Variants in DEAF1 observed in about 807,000 individuals in gnomAD.
DEAF1 encodes DEAF1 transcription factor, also known as deformed epidermal autoregulatory factor 1 homolog.
A neutral mutation model predicts 58.9 loss-of-function variants in DEAF1; 53 were observed. That is an observed-to-expected ratio of 0.90 (90% CI 0.72 to 1.13). DEAF1 has a LOEUF of 1.13. DEAF1 is among the 50% of genes most tolerant of loss of function. The pLI is 0.00. For synonymous variants in DEAF1, 385 were observed against 340.4 expected (o/e 1.13, Z -1.44); for missense variants, 685 against 791.4 (o/e 0.87, Z 1.61).
intron 5 of DEAF1, among the ~76,000 whole-genome samples, chr11:686,364 G>A (rs1860594552): frequency 6.6e-6 from 1 of 151,424 alleles, no homozygotes; most frequent in Admixed American, 6.6e-5. Flanking sequence ...CATTATTGGT[G>A]GCAGGACCTA....
intron 4 of DEAF1, among the ~76,000 whole-genome samples, chr11:687,584 G>A (rs1339747677): frequency 6.6e-6 from 1 of 152,188 alleles, no homozygotes; most frequent in Non-Finnish European, 1.5e-5. Context: ...CTGCCTCCTG[G>A]GTTCACGCCA....
At chr11:658,618 C>T (rs7123404) in intron 10 of DEAF1, among the ~76,000 whole-genome samples, 7,458 of 152,350 alleles carry the variant, frequency 0.049, 261 homozygotes, top group African/African-American at 0.1. Context: ...CCTGCCCAGG[C>T]GCCCCAAGAA....
intron 10 of DEAF1, 182 bp downstream of exon 10, chr11:674,354 T>C: frequency 2.3e-6 from 2 of 867,810 alleles, no homozygotes; most frequent in Non-Finnish European, 3.7e-6. Flanking sequence ...TTAACAACAA[T>C]AGCTGTCACT....
chr11:675,313 G>A (rs1243753979), intron 9 of DEAF1, among the ~76,000 whole-genome samples: 1 of 152,200 alleles, frequency 6.6e-6, no homozygotes, highest in Non-Finnish European at 1.5e-5. Flanking sequence ...GAGCTCAGGA[G>A]TTCAAGACCA....
In DEAF1 at chr11:659,228, CAAAAAAA is replaced by C. The variant is rs34491245; in HGVS notation, c.1504-5184_1504-5178del. Among the ~76,000 whole-genome samples, 102 of 79,738 alleles carry C rather than the reference CAAAAAAA, an allele frequency of 1.3e-3. No individual in the cohort carries two copies. The South Asian group carries it at 0.013, about 10-fold the overall frequency. The allele number at this position is 79,738 out of a possible 152,430, so 52.3% of individuals were successfully genotyped here. On this transcript the variant is annotated intron_variant, in intron 10 of 11. Coordinates refer to ENST00000382409, the MANE Select transcript of DEAF1 (RefSeq NM_021008.4). The stretch of plus-strand genomic sequence containing the variant: ...GTGACATGGCAAAACCCTGTCTCTA[CAAAAAAA>C]AAAAAAAAAAAAATTAGCTGGGCAT...
At chr11:658,971 A>C (rs1385490477) in intron 10 of DEAF1, among the ~76,000 whole-genome samples, 1 of 152,286 alleles carries the variant, frequency 6.6e-6, no homozygotes, top group East Asian at 1.9e-4. Flanking sequence ...CCACTCCTTC[A>C]GAAACAGCCA....
chr11:691,194 G>C (rs10902193), intron 2 of DEAF1, among the ~76,000 whole-genome samples: 1 of 152,136 alleles, frequency 6.6e-6, no homozygotes, highest in African/African-American at 2.4e-5. Flanking sequence ...GCCGGGCCTC[G>C]GGCAGAGGCT....
chr11:675,774 G>A (rs1006081962), intron 9 of DEAF1, among the ~76,000 whole-genome samples: 4 of 152,030 alleles, frequency 2.6e-5, no homozygotes, highest in South Asian at 2.1e-4. Context: ...GAGCCGAGAT[G>A]GTGCCAGTGG....
At position 688,512 on chromosome 11, in the gene DEAF1, T is replaced by C; in HGVS notation, c.388-52A>G. ...TCACGTCCGAGAGTGACACCAGGCG[T>C]GTCACTGAGCCCAGCTGGGCCGTCC... is the stretch of plus-strand genomic sequence containing the variant. On this transcript the variant is annotated intron_variant, in intron 2 of 11. Transcript: ENST00000382409. This position sits in a 1 kb window ranked among gnomAD's most constrained non-coding sequence, Gnocchi z 4.3. 1.2e-6 allele frequency: 2 copies of C among 1,610,838 alleles called. No individual in the cohort carries two copies. Among genetic ancestry groups the C allele is most frequent in the Non-Finnish European group, 1.7e-6 (2 of 1,179,754 alleles).
intron 6 of DEAF1, among the ~76,000 whole-genome samples, chr11:682,695 A>G (rs1860429884): frequency 1.3e-5 from 2 of 152,182 alleles, no homozygotes; most frequent in Admixed American, 1.3e-4. Flanking sequence ...CTCTCACTGC[A>G]TGGACACCCC....
chr11:693,930 G>A (rs1860957882), intron 1 of DEAF1, among the ~76,000 whole-genome samples: 1 of 152,084 alleles, frequency 6.6e-6, no homozygotes, highest in South Asian at 2.1e-4. Flanking sequence ...GAAGAGGGAG[G>A]ACTGGGAGGG....
chr11:644,307 C>T lies in DEAF1; in HGVS notation c.*243G>A, dbSNP rs749908319. 10 of 596,474 alleles carry T rather than the reference C, an allele frequency of 1.7e-5. 1 individual carries two copies. Among genetic ancestry groups the T allele is most frequent in the South Asian group, 7.7e-5 (4 of 52,006 alleles). The allele number at this position is 596,474 out of a possible 1,614,324, so 36.9% of individuals were successfully genotyped here. A position where few individuals can be genotyped will look rare whatever the true frequency, so the allele number is the denominator to read the frequency against. On this transcript the variant is annotated 3_prime_UTR_variant, in exon 12 of 12. Coordinates refer to ENST00000382409, the MANE Select transcript of DEAF1 (RefSeq NM_021008.4). This position sits in a 1 kb window ranked among gnomAD's most constrained non-coding sequence, Gnocchi z 4.3. ...GCAGCACAGGCCCTGTGGGCAAGAC[C>T]GGACGCTCATGATCCCAGGGATAAA...
At chr11:682,199 G>C (rs969372632) in intron 6 of DEAF1, among the ~76,000 whole-genome samples, 4 of 152,174 alleles carry the variant, frequency 2.6e-5, no homozygotes, top group Non-Finnish European at 5.9e-5. Flanking sequence ...TAAGCTGTTG[G>C]TGTAGTCAAG....
At chr11:691,387 G>T in intron 2 of DEAF1, 114 bp downstream of exon 2, 1 of 968,738 alleles carries the variant, frequency 1.0e-6, no homozygotes, top group Non-Finnish European at 1.6e-6. Context: ...TCCCTCCCCA[G>T]CTCACAGAGC....
chr11:661,895 A>G (rs1374862448), intron 10 of DEAF1, among the ~76,000 whole-genome samples: 2 of 152,144 alleles, frequency 1.3e-5, no homozygotes, highest in Non-Finnish European at 2.9e-5. Flanking sequence ...ACTAATTACA[A>G]ATAACAATTT....
intron 1 of DEAF1, among the ~76,000 whole-genome samples, chr11:691,889 A>C (rs1359270057): frequency 6.6e-6 from 1 of 152,140 alleles, no homozygotes; most frequent in African/African-American, 2.4e-5. Flanking sequence ...CCCCAGCTCT[A>C]TCAAACCACC....
chr11:652,952 C>CGG (rs1564924270), intron 11 of DEAF1, among the ~76,000 whole-genome samples: 1 of 145,996 alleles, frequency 6.8e-6, no homozygotes, highest in Admixed American at 6.8e-5. Flanking sequence ...GGTATGGTGG[C>CGG]GCATGCCTGT....
chr11:676,942 CAT>C (rs1461269738), intron 9 of DEAF1, among the ~76,000 whole-genome samples: 1 of 152,184 alleles, frequency 6.6e-6, no homozygotes, highest in East Asian at 1.9e-4. Context: ...CACACGTGCA[CAT>C]GAGAACATTT....
chr11:667,391 A>AGAGGGAGG (rs137990372), intron 10 of DEAF1, among the ~76,000 whole-genome samples: 6 of 100,672 alleles, frequency 6.0e-5, no homozygotes, highest in Admixed American at 1.2e-4. Context: ...AAGGAAGGAG[A>AGAGGGAGG]GAGGGAGGGA....
Sources: allele counts gnomAD v4.1 joint callset (sites outside exome capture counted in the v4.1 genomes callset), GRCh38; gene constraint gnomAD v4.1.1; non-coding constraint Gnocchi (gnomAD v3.1); transcripts MANE v1.5; gene names NCBI Gene and HGNC (gene_info 2026-07-23, HGNC 2026-07-21).